The following PALLD variants were observed in gnomAD, a reference collection of about 807,000 sequenced individuals.
The protein encoded by PALLD is palladin, cytoskeletal associated protein, also known as palladin.
A neutral mutation model predicts 123.5 loss-of-function variants in PALLD; 61 were observed. That is an observed-to-expected ratio of 0.49 (90% CI 0.40 to 0.61). PALLD has a LOEUF of 0.61. Ranked by LOEUF, PALLD falls within the 20% of genes least tolerant of loss-of-function variation. The pLI is 0.00. For synonymous variants in PALLD, 465 were observed against 496.4 expected, an observed-to-expected ratio of 0.94 and a Z score of 0.84; for missense variants, 1,273 against 1,377.0, an observed-to-expected ratio of 0.92 and a Z score of 1.20.
At chr4:168,653,318 T>A (rs550340468) in intron 2 of PALLD, among the ~76,000 whole-genome samples, 1 of 152,230 alleles carries the variant, frequency 6.6e-6, no homozygotes, top group South Asian at 2.1e-4. Flanking sequence ...GAGACTATGA[T>A]CATTCTTGCC....
chr4:168,544,830 C>T (rs1013353533), intron 2 of PALLD, among the ~76,000 whole-genome samples: 1 of 152,164 alleles, frequency 6.6e-6, no homozygotes, highest in African/African-American at 2.4e-5. Flanking sequence ...CAATGTTTCT[C>T]CCAGCTAACC....
chr4:168,918,325 G>GAGATATAT (rs1553981956), intron 17 of PALLD, among the ~76,000 whole-genome samples: 4 of 149,558 alleles, frequency 2.7e-5, no homozygotes, highest in African/African-American at 7.3e-5. Context: ...GAAAATATGA[G>GAGATATAT]ATATATATAT....
At chr4:168,858,604 G>T (rs1444328492) in intron 10 of PALLD, among the ~76,000 whole-genome samples, 1 of 151,974 alleles carries the variant, frequency 6.6e-6, no homozygotes, top group East Asian at 1.9e-4. Context: ...GCAACACAGG[G>T]AGACCCCATC....
At chr4:168,730,762 C>A (rs1467072681) in intron 10 of PALLD, among the ~76,000 whole-genome samples, 1 of 152,062 alleles carries the variant, frequency 6.6e-6, no homozygotes, top group Non-Finnish European at 1.5e-5. Context: ...ACATGCTTGG[C>A]AGACAGCATT....
In PALLD at chr4:168,914,016, C is replaced by T. The variant is rs1475977045; in HGVS notation, c.2712C>T (p.Val904=). The T allele has an allele frequency of 2.5e-6, 4 of 1,582,480 alleles. No homozygotes were observed. The highest frequency in any genetic ancestry group is 3.5e-6 in the Non-Finnish European group (4 of 1,151,352). Reference sequence around the variant, plus strand: ...GGTCTCCCTCAGGCCATCCTCATGTCAGAAGGTATTTAACATGTTCCTTCC... The same window carrying T: ...GGTCTCCCTCAGGCCATCCTCATGTTAGAAGGTATTTAACATGTTCCTTCC... ...SPRSPSGHPH[V]RRPRSRSRDS... Residue 904 remains valine, a synonymous_variant, in exon 16 of 22, where the codon GTC becomes GTT. Transcript: ENST00000505667.
chr4:168,685,819 A>ATT lies in PALLD; in HGVS notation c.1335+260_1335+261insTT, dbSNP rs1420141095. Reference sequence around the variant, plus strand: ...AAAGCCAAGACAGATAGAAAAAAAAAAAAAAAAAAAAAAAAACCTGCTGTG... The same window carrying ATT: ...AAAGCCAAGACAGATAGAAAAAAAAATTAAAAAAAAAAAAAAAACCTGCTGTG... On this transcript the variant is annotated intron_variant, in intron 6 of 21. Coordinates refer to ENST00000505667, the MANE Select transcript of PALLD (RefSeq NM_001166108.2). Among the ~76,000 whole-genome samples the ATT allele has an allele frequency of 6.8e-3, 1,014 of 150,160 alleles. 17 individuals are homozygous for ATT. Among genetic ancestry groups the ATT allele is most frequent in the African/African-American group, 0.023 (945 of 40,870 alleles).
At chr4:168,645,223 A>G (rs1259105629) in intron 2 of PALLD, among the ~76,000 whole-genome samples, 1 of 152,192 alleles carries the variant, frequency 6.6e-6, no homozygotes, top group African/African-American at 2.4e-5. Context: ...AAATGAAGGC[A>G]ATAGTACCCA....
Position 168,690,655 on chromosome 4 carries a change from G to T in PALLD, c.1388G>T (p.Arg463Leu). The T allele has an allele frequency of 1.9e-6, 3 of 1,614,092 alleles. No homozygotes were observed. The South Asian group carries it at 3.3e-5, about 18-fold the overall frequency. Residue 463 changes from arginine (R) to leucine (L), a missense_variant, in exon 7 of 22, where the codon CGG becomes CTG. Physicochemically the swap from Arg to Leu is moderately radical, Grantham distance 102. This residue lies in a region of PALLD where 944 missense variants were observed against 954.5 expected (regional missense o/e 0.99). Transcript: ENST00000505667. ...AEGQVVVLEC[R>L]VRGAPPLQVQ... ...GGCCAGGTGGTGGTTCTGGAGTGCC[G>T]GGTCCGTGGGGCACCCCCTCTGCAG...
chr4:168,712,674 A>G (rs1784948215), intron 10 of PALLD, among the ~76,000 whole-genome samples: 5 of 152,226 alleles, frequency 3.3e-5, no homozygotes, highest in Admixed American at 3.3e-4. Context: ...ACCCTGAATT[A>G]CTGCCCTGCC....
intron 2 of PALLD, among the ~76,000 whole-genome samples, chr4:168,587,233 T>C: frequency 6.6e-6 from 1 of 152,040 alleles, no homozygotes; most frequent in Non-Finnish European, 1.5e-5. Flanking sequence ...TCTTCAAGAG[T>C]CTAGGGATTT....
chr4:168,821,811 T>C (rs1219505440), intron 10 of PALLD, among the ~76,000 whole-genome samples: 2 of 132,752 alleles, frequency 1.5e-5, no homozygotes, highest in African/African-American at 5.8e-5. Flanking sequence ...ACTCGAGAGG[T>C]GGAGGTTGCA....
chr4:168,511,574 A>G lies in PALLD; in HGVS notation c.70A>G (p.Thr24Ala). The G allele has an allele frequency of 1.9e-6, 3 of 1,613,836 alleles. No homozygotes were observed. Among genetic ancestry groups the G allele is most frequent in the Non-Finnish European group, 2.5e-6 (3 of 1,179,702 alleles). Residue 24 changes from threonine (T) to alanine (A), a missense_variant, in exon 2 of 22, where the codon ACT becomes GCT. Thr to Ala is a moderately conservative substitution (Grantham distance 58). Transcript: ENST00000505667. ...LSDMQEESKN[T>A]DFFPGLSAFL... ...AGACATGCAGGAAGAAAGCAAGAAT[A>G]CTGACTTCTTCCCGGGCCTTTCTGC...
chr4:168,852,093 G>A (rs1354025688), intron 10 of PALLD, among the ~76,000 whole-genome samples: 6 of 152,130 alleles, frequency 3.9e-5, no homozygotes, highest in Admixed American at 3.9e-4. Flanking sequence ...GACTTAAAAC[G>A]TAGCACACCC....
chr4:168,573,789 T>C (rs1580377484), intron 2 of PALLD, among the ~76,000 whole-genome samples: 2 of 152,238 alleles, frequency 1.3e-5, no homozygotes, highest in East Asian at 3.9e-4. Flanking sequence ...TGCATACCAT[T>C]ATTGGTGTGG....
rs753092219 is a variant in PALLD at position 168,878,392 on chromosome 4, C to T, written c.1965-12530C>T. On this transcript the variant is annotated intron_variant, in intron 10 of 21. Transcript: ENST00000505667. ...TGGGGCTGCCCAAGGGTGTCACCCCCGCGTGAGTAACCGCCGCGGTCCTCC... is the reference window on the plus strand; with the variant it reads ...TGGGGCTGCCCAAGGGTGTCACCCCTGCGTGAGTAACCGCCGCGGTCCTCC... 202 of 1,489,526 alleles carry T rather than the reference C, an allele frequency of 1.4e-4. No homozygotes were observed. The Middle Eastern group carries it at 3.3e-3, about 24-fold the overall frequency. 92.3% of individuals were successfully genotyped at this position (1,489,526 alleles called of 1,614,324 possible).
intron 2 of PALLD, among the ~76,000 whole-genome samples, chr4:168,550,687 A>T (rs1766643877): frequency 6.6e-6 from 1 of 152,088 alleles, no homozygotes; most frequent in Admixed American, 6.6e-5. Flanking sequence ...CAAGCTGGGC[A>T]CTCAAGATCA....
At chr4:168,650,268 TAA>T (rs886515937) in intron 2 of PALLD, among the ~76,000 whole-genome samples, 2 of 152,224 alleles carry the variant, frequency 1.3e-5, no homozygotes, top group African/African-American at 2.4e-5. Flanking sequence ...AGTGAAAAGT[TAA>T]AGTTTTTCTC....
At chr4:168,596,041 A>T (rs1327341025) in intron 2 of PALLD, among the ~76,000 whole-genome samples, 1 of 151,984 alleles carries the variant, frequency 6.6e-6, no homozygotes, top group East Asian at 1.9e-4. Flanking sequence ...AATAGTAATT[A>T]GATTTTTTGG....
chr4:168,539,649 C>T (rs1386280178), intron 2 of PALLD, among the ~76,000 whole-genome samples: 3 of 151,468 alleles, frequency 2.0e-5, no homozygotes, highest in Non-Finnish European at 4.4e-5. Flanking sequence ...TGTGCAAAGG[C>T]CTCTCACAAT....
Sources: gnomAD v4.1 joint callset for allele counts (sites outside exome capture counted in the v4.1 genomes callset) on GRCh38, gnomAD v4.1.1 for gene constraint, gnomAD v4.1.1 regional missense constraint, MANE v1.5 for transcripts, NCBI Gene and HGNC (gene_info 2026-07-23, HGNC 2026-07-21) for gene names.